ADIPOR2: variants seen among roughly 807,000 people sequenced by gnomAD.
ADIPOR2 encodes the protein adiponectin receptor 2.
A neutral mutation model predicts 40.9 loss-of-function variants in ADIPOR2; 18 were observed. That is an observed-to-expected ratio of 0.44 (90% confidence interval 0.30 to 0.65). The LOEUF is 0.65. Among genes scored for constraint, ADIPOR2 ranks in the 30% least tolerant of loss-of-function variants. ADIPOR2 has a pLI of 0.09. For synonymous variants in ADIPOR2, 165 were observed against 166.4 expected (o/e 0.99, Z 0.06); for missense variants, 283 against 479.2 (o/e 0.59, Z 3.82).
At chr12:1,758,556 G>A (rs537888528) in intron 2 of ADIPOR2, among the ~76,000 whole-genome samples, 6 of 152,162 alleles carry the variant, frequency 3.9e-5, no homozygotes, top group Admixed American at 2.6e-4. Flanking sequence ...TCTATATGCA[G>A]TACTGTCCCT....
chr12:1,749,948 C>T (rs760762399), intron 1 of ADIPOR2, among the ~76,000 whole-genome samples: 1 of 149,878 alleles, frequency 6.7e-6, no homozygotes. Context: ...GCAGTTCTCT[C>T]ACCACATTCT....
At position 1,735,074 on chromosome 12, in the gene ADIPOR2, G is replaced by A. The variant is rs540244060; in HGVS notation, c.-86-19184G>A. ...TTTGGCTTAGGATTGACTTGGCAAT[G>A]TGGGCTCTTTTTTGCTTCCATATGA... On this transcript the variant is annotated intron_variant, in intron 1 of 7. Coordinates refer to ENST00000357103, the MANE Select transcript of ADIPOR2 (RefSeq NM_024551.3). 6.7e-3 allele frequency among the ~76,000 whole-genome samples: 1,022 copies of A among 152,298 alleles called. 9 individuals carry two copies. The highest frequency in any genetic ancestry group is 0.023 in the African/African-American group (965 of 41,570).
chr12:1,757,916 G>A (rs1427657486), intron 2 of ADIPOR2: 8 of 862,876 alleles, frequency 9.3e-6, no homozygotes, highest in Non-Finnish European at 1.6e-5. Context: ...GGGGACTAGT[G>A]GATGGACGAG....
intron 1 of ADIPOR2, among the ~76,000 whole-genome samples, chr12:1,710,181 C>T (rs1307086562): frequency 6.6e-6 from 1 of 152,182 alleles, no homozygotes; most frequent in Admixed American, 6.5e-5. Flanking sequence ...GACCAATCAG[C>T]AGGATATGGG....
At chr12:1,770,740 A>G (rs992278994) in intron 2 of ADIPOR2, among the ~76,000 whole-genome samples, 2 of 152,236 alleles carry the variant, frequency 1.3e-5, no homozygotes, top group Non-Finnish European at 2.9e-5. Flanking sequence ...AACGTTAAAT[A>G]AAACAGTATT....
chr12:1,691,953 G>A (rs1017755215), intron 1 of ADIPOR2, among the ~76,000 whole-genome samples: 2 of 152,046 alleles, frequency 1.3e-5, no homozygotes, highest in African/African-American at 2.4e-5. Flanking sequence ...ATGCACAGTT[G>A]GGATTTTATG....
intron 1 of ADIPOR2, among the ~76,000 whole-genome samples, chr12:1,742,282 G>A (rs2094744609): frequency 6.6e-6 from 1 of 152,152 alleles, no homozygotes; most frequent in Non-Finnish European, 1.5e-5. Flanking sequence ...TTGTAGAGAC[G>A]GAGTCTTGCC....
intron 1 of ADIPOR2, among the ~76,000 whole-genome samples, chr12:1,698,994 G>A (rs1401177316): frequency 1.3e-5 from 2 of 152,208 alleles, no homozygotes; most frequent in Admixed American, 6.5e-5. Context: ...TTCAGGTGGA[G>A]CATGCATTCT....
intron 1 of ADIPOR2, among the ~76,000 whole-genome samples, chr12:1,741,561 AT>A (rs145162452): frequency 0.044 from 6,766 of 152,234 alleles, 247 homozygotes; most frequent in East Asian, 0.18. Context: ...ACAGAATATA[AT>A]TTGGAAAGGA....
chr12:1,742,808 G>T (rs1448561689), intron 1 of ADIPOR2, among the ~76,000 whole-genome samples: 2 of 152,170 alleles, frequency 1.3e-5, no homozygotes, highest in African/African-American at 2.4e-5. Context: ...ATCTGTTGTT[G>T]GTTGAATCCA....
chr12:1,777,789 A>AG, intron 3 of ADIPOR2, 65 bp from the exon 4 acceptor site: 1 of 1,458,618 alleles, frequency 6.9e-7, no homozygotes, highest in Non-Finnish European at 9.3e-7. Context: ...CACAGTTGTT[A>AG]GGGGTCAGTG....
intron 1 of ADIPOR2, among the ~76,000 whole-genome samples, chr12:1,738,848 A>G (rs1399111038): frequency 1.3e-5 from 2 of 152,326 alleles, no homozygotes; most frequent in East Asian, 3.9e-4. Flanking sequence ...TTTCCTTTGA[A>G]GAACAAAGGA....
At chr12:1,702,333 G>A (rs1230094812) in intron 1 of ADIPOR2, among the ~76,000 whole-genome samples, 2 of 152,154 alleles carry the variant, frequency 1.3e-5, no homozygotes, top group Non-Finnish European at 2.9e-5. Flanking sequence ...CAATTATTGG[G>A]CTGAAGATTT....
At chr12:1,698,092 A>T (rs2094642903) in intron 1 of ADIPOR2, 1 of 152,220 alleles carries the variant, frequency 6.6e-6, no homozygotes, top group African/African-American at 2.4e-5. Context: ...GAGAACCCGT[A>T]CTGCTGACAT....
At chr12:1,760,458 C>T (rs1862241744) in intron 2 of ADIPOR2, among the ~76,000 whole-genome samples, 2 of 152,266 alleles carry the variant, frequency 1.3e-5, no homozygotes, top group South Asian at 4.1e-4. Flanking sequence ...CTAAAGAAAC[C>T]TTAACCCATT....
At chr12:1,748,523 C>T (rs944866251) in intron 1 of ADIPOR2, among the ~76,000 whole-genome samples, 5 of 152,108 alleles carry the variant, frequency 3.3e-5, no homozygotes, top group African/African-American at 9.7e-5. Context: ...GCTGGGATTA[C>T]AGGCGTGAGC....
At chr12:1,753,657 TTATTTTTTATAAAGTATGGTGA>T (rs1445758950) in intron 1 of ADIPOR2, among the ~76,000 whole-genome samples, 4 of 152,228 alleles carry the variant, frequency 2.6e-5, no homozygotes, top group African/African-American at 9.6e-5. Context: ...TTTGTCCTGT[TTATTTTTTATAAAGTATGGTGA>T]ATTTTGTTTT....
chr12:1,742,471 AT>A (rs2094745070), intron 1 of ADIPOR2, among the ~76,000 whole-genome samples: 1 of 152,182 alleles, frequency 6.6e-6, no homozygotes, highest in Admixed American at 6.6e-5. Flanking sequence ...TAGATGGCTA[AT>A]TTTGAAAGAG....
chr12:1,783,781 A>G (rs1037595922), intron 6 of ADIPOR2, 99 bp from the exon 7 acceptor site: 5 of 1,014,510 alleles, frequency 4.9e-6, no homozygotes, highest in Non-Finnish European at 6.9e-6. Context: ...CTACTTTGAA[A>G]TATTCAGTTT....
Sources: allele counts gnomAD v4.1 joint callset (sites outside exome capture counted in the v4.1 genomes callset), GRCh38; gene constraint gnomAD v4.1.1; transcripts MANE v1.5; gene names NCBI Gene and HGNC (gene_info 2026-07-23, HGNC 2026-07-21).